Variants in ADK observed in about 807,000 individuals in gnomAD.
The protein encoded by ADK is N6,N6-dimethyladenosine kinase.
ADK carries 24 observed loss-of-function variants against 44.7 expected under a neutral mutation model. That is an observed-to-expected ratio of 0.54 (90% CI 0.39 to 0.76). The LOEUF (loss-of-function observed/expected upper bound fraction) is 0.76, where lower values mean the gene tolerates loss of function less well. Among genes scored for constraint, ADK ranks in the 30% least tolerant of loss-of-function variants. ADK has a pLI of 0.00. For synonymous variants in ADK, 128 were observed against 142.6 expected (o/e 0.90, Z 0.73); for missense variants, 321 against 425.1 (o/e 0.76, Z 2.15).
At chr10:74,367,479 G>A (rs1433925211) in intron 4 of ADK, among the ~76,000 whole-genome samples, 6 of 152,112 alleles carry the variant, frequency 3.9e-5, no homozygotes, top group African/African-American at 1.4e-4. Context: ...ATGGTTAAGA[G>A]ACACTTAAAT....
In ADK at chr10:74,181,544, G is replaced by A. The variant is rs143861397; in HGVS notation, c.66-19220G>A. Among the ~76,000 whole-genome samples, 108 of 152,292 alleles carry A rather than the reference G, an allele frequency of 7.1e-4. 2 individuals are homozygous for A. In the East Asian group the frequency reaches 0.019, roughly 27 times the overall value. The stretch of plus-strand genomic sequence containing the variant: ...AAATTGGCCCAATAGTTAAGTTGGC[G>A]CCTGAGTTAAGTTCAGGAGACAGAG... On this transcript the variant is annotated intron_variant, in intron 1 of 10. Coordinates refer to ENST00000539909, the MANE Select transcript of ADK (RefSeq NM_006721.4).
intron 3 of ADK, among the ~76,000 whole-genome samples, chr10:74,229,545 C>T (rs1844673880): frequency 2.6e-5 from 4 of 151,750 alleles, no homozygotes; most frequent in African/African-American, 4.8e-5. Flanking sequence ...CTACAGGCGC[C>T]CACCACCACG....
At chr10:74,701,920 G>A (rs1185667638) in intron 10 of ADK, among the ~76,000 whole-genome samples, 3 of 152,022 alleles carry the variant, frequency 2.0e-5, no homozygotes, top group African/African-American at 2.4e-5. Context: ...CTCCAGCCTC[G>A]GTGACAGAGC....
intron 7 of ADK, among the ~76,000 whole-genome samples, chr10:74,568,049 A>G (rs1850755684): frequency 6.6e-6 from 1 of 152,014 alleles, no homozygotes; most frequent in South Asian, 2.1e-4. Context: ...AGCTTGTCCA[A>G]ACTATGACCC....
At chr10:74,260,315 G>A (rs1845996784) in intron 3 of ADK, among the ~76,000 whole-genome samples, 1 of 152,168 alleles carries the variant, frequency 6.6e-6, no homozygotes, top group South Asian at 2.1e-4. Flanking sequence ...CTCTCACCAG[G>A]TTGGAGTACA....
intron 4 of ADK, among the ~76,000 whole-genome samples, chr10:74,384,058 C>CTAAG (rs1373845678): frequency 1.3e-5 from 2 of 152,118 alleles, no homozygotes; most frequent in Non-Finnish European, 2.9e-5. Flanking sequence ...TCTGCAAAGA[C>CTAAG]TAAGGTGCTA....
At chr10:74,382,765 T>A (rs898082277) in intron 4 of ADK, among the ~76,000 whole-genome samples, 2 of 151,784 alleles carry the variant, frequency 1.3e-5, no homozygotes, top group African/African-American at 4.8e-5. Flanking sequence ...TTCTGTAACC[T>A]TTTTGCTCTT....
chr10:74,690,503 G>A (rs1855950993), intron 10 of ADK, among the ~76,000 whole-genome samples: 1 of 152,120 alleles, frequency 6.6e-6, no homozygotes. Context: ...CTCAAAAAAA[G>A]TCCATATCAC....
chr10:74,303,970 CAAA>C (rs72256519), intron 3 of ADK, among the ~76,000 whole-genome samples: 5 of 140,940 alleles, frequency 3.5e-5, no homozygotes, highest in Admixed American at 1.4e-4. Flanking sequence ...ACTCTTGTCT[CAAA>C]AAAAAAAAAA....
chr10:74,479,684 T>C (rs1016227676), intron 6 of ADK, among the ~76,000 whole-genome samples: 2 of 152,112 alleles, frequency 1.3e-5, no homozygotes, highest in Admixed American at 6.5e-5. Context: ...ATTTCTTTTC[T>C]AGCCATTAGC....
At chr10:74,310,730 G>GT (rs1252950087) in intron 3 of ADK, among the ~76,000 whole-genome samples, 10 of 152,190 alleles carry the variant, frequency 6.6e-5, no homozygotes, top group African/African-American at 2.4e-4. Flanking sequence ...TAGCCTGATA[G>GT]TTACCTTTTC....
rs529649445 is a variant in ADK at position 74,332,088 on chromosome 10, C to T, written c.273+17343C>T. Among the ~76,000 whole-genome samples, 7 of 152,226 alleles carry T rather than the reference C, an allele frequency of 4.6e-5. No homozygotes were observed. In the East Asian group the frequency reaches 1.4e-3, roughly 29 times the overall value. On this transcript the variant is annotated intron_variant, in intron 4 of 10. Coordinates refer to ENST00000539909, the MANE Select transcript of ADK (RefSeq NM_006721.4). ...GACCAGGCTGGTATTAAACTCCTGACCTCAAGTGATCCACCCACCTAGGCC... is the reference window on the plus strand; with the variant it reads ...GACCAGGCTGGTATTAAACTCCTGATCTCAAGTGATCCACCCACCTAGGCC...
chr10:74,625,961 A>G (rs1281033890), intron 9 of ADK, among the ~76,000 whole-genome samples: 1 of 152,196 alleles, frequency 6.6e-6, no homozygotes. Context: ...AAATAAATCA[A>G]CTAGTGTAGT....
At chr10:74,302,125 T>A (rs60630301) in intron 3 of ADK, among the ~76,000 whole-genome samples, 1 of 110,834 alleles carries the variant, frequency 9.0e-6, no homozygotes, top group Non-Finnish European at 1.8e-5. Context: ...TTTTTTTTTT[T>A]TTTTTTTTTT....
chr10:74,517,607 TGA>T (rs1351043534), intron 6 of ADK, among the ~76,000 whole-genome samples: 1 of 151,434 alleles, frequency 6.6e-6, no homozygotes, highest in Non-Finnish European at 1.5e-5. Flanking sequence ...GAGGATCACC[TGA>T]GCCCAGGAGG....
chr10:74,228,052 A>G (rs1844612572), intron 3 of ADK, among the ~76,000 whole-genome samples: 1 of 152,148 alleles, frequency 6.6e-6, no homozygotes, highest in Non-Finnish European at 1.5e-5. Flanking sequence ...GTACAATGAT[A>G]GTTCTAATTA....
chr10:74,464,363 A>G (rs533621502), intron 6 of ADK, among the ~76,000 whole-genome samples: 1 of 151,540 alleles, frequency 6.6e-6, no homozygotes, highest in African/African-American at 2.4e-5. Flanking sequence ...CCTGGGCAAC[A>G]TAGGGAGACC....
rs952885010 is a variant in ADK, at chr10:74,709,191, A to AT, written c.*747dup. On this transcript the variant is annotated 3_prime_UTR_variant, in exon 11 of 11. Transcript: ENST00000539909. ...TCATTATTTAATACTGGGCCCTGAAATGACACCCAATTTGTTAATGGAATT... is the reference window on the plus strand; with the variant it reads ...TCATTATTTAATACTGGGCCCTGAAATTGACACCCAATTTGTTAATGGAATT... 25 of 152,220 alleles carry AT rather than the reference A, an allele frequency of 1.6e-4. No individual in the cohort carries two copies. Among genetic ancestry groups the AT allele is most frequent in the African/African-American group, 5.3e-4 (22 of 41,450 alleles). The allele number at this position is 152,220 out of a possible 1,614,324, so 9.4% of individuals were successfully genotyped here.
chr10:74,390,700 C>A (rs1843301037), intron 4 of ADK, among the ~76,000 whole-genome samples: 1 of 152,182 alleles, frequency 6.6e-6, no homozygotes, highest in Admixed American at 6.5e-5. Context: ...ATAAGAATCA[C>A]ACATTACATG....
Sources: gnomAD v4.1 joint callset for allele counts (sites outside exome capture counted in the v4.1 genomes callset) on GRCh38, gnomAD v4.1.1 for gene constraint, MANE v1.5 for transcripts, NCBI Gene and HGNC (gene_info 2026-07-23, HGNC 2026-07-21) for gene names.